ZNF474: variants seen among roughly 807,000 people sequenced by gnomAD.
The protein encoded by ZNF474 is 4933409D10Rik.
For missense variants in ZNF474, 511 were observed against 433.8 expected (o/e 1.18, Z -1.58); for synonymous variants, 192 against 162.2 (o/e 1.18, Z -1.39).
At chr5:122,137,952 C>A (rs1203920690) in intron 1 of ZNF474, among the ~76,000 whole-genome samples, 2 of 152,220 alleles carry the variant, frequency 1.3e-5, no homozygotes, top group African/African-American at 2.4e-5. Context: ...CACCCGTTCA[C>A]CTGCCTGGCA....
intron 1 of ZNF474, among the ~76,000 whole-genome samples, chr5:122,140,298 T>G (rs1755805206): frequency 6.6e-6 from 1 of 152,194 alleles, no homozygotes; most frequent in African/African-American, 2.4e-5. Context: ...AAACTGAGGA[T>G]TCTGACTTAG....
At position 122,153,110 on chromosome 5, in the gene ZNF474, G is replaced by A. The variant is rs1171046278; in HGVS notation, c.*25G>A. The stretch of plus-strand genomic sequence containing the variant: ...GGGGAACAAGAGAAAACTATCCCCA[G>A]AATCAGCCACCTCAGCCCCTAGTAT... On this transcript the variant is annotated 3_prime_UTR_variant, in exon 2 of 2. Coordinates refer to ENST00000296600, the MANE Select transcript of ZNF474 (RefSeq NM_207317.3). 6.3e-6 allele frequency: 10 copies of A among 1,582,322 alleles called. No homozygotes were observed. Among genetic ancestry groups the A allele is most frequent in the Non-Finnish European group, 8.6e-6 (10 of 1,164,018 alleles).
At chr5:122,142,684 T>C (rs1454556751) in intron 1 of ZNF474, among the ~76,000 whole-genome samples, 3 of 152,192 alleles carry the variant, frequency 2.0e-5, no homozygotes, top group Non-Finnish European at 4.4e-5. Flanking sequence ...GCTCTAACTA[T>C]GTGGCCCATG....
intron 1 of ZNF474, among the ~76,000 whole-genome samples, chr5:122,142,509 A>G (rs1215218285): frequency 6.6e-6 from 1 of 152,238 alleles, no homozygotes; most frequent in Non-Finnish European, 1.5e-5. Flanking sequence ...TAAATGAACC[A>G]TCACCACATT....
chr5:122,148,999 G>A (rs1361398254), intron 1 of ZNF474, among the ~76,000 whole-genome samples: 1 of 151,896 alleles, frequency 6.6e-6, no homozygotes, highest in African/African-American at 2.4e-5. Flanking sequence ...CAAAGTGCTG[G>A]GATTACAGGC....
At chr5:122,137,976 T>C in intron 1 of ZNF474, among the ~76,000 whole-genome samples, 1 of 152,126 alleles carries the variant, frequency 6.6e-6, no homozygotes, top group East Asian at 1.9e-4. Flanking sequence ...GATTTATGAG[T>C]GCAGGCAAAA....
chr5:122,152,506 CCGCA>C lies in ZNF474; in HGVS notation c.518_521del (p.Arg173HisfsTer145). 6.2e-7 allele frequency: 1 copy of C among 1,614,180 alleles called. No individual in the cohort carries two copies. On this transcript the variant is annotated frameshift_variant, in exon 2 of 2. Coordinates refer to ENST00000296600, the MANE Select transcript of ZNF474 (RefSeq NM_207317.3). LOFTEE classifies it low-confidence loss of function (END_TRUNC). ...AGCTGCTGCCCTGTGAATCCTGTGG[CCGCA>C]CATTCTTGCCAGATCATCTTCTTGT...
chr5:122,138,745 T>G (rs376643955), intron 1 of ZNF474, among the ~76,000 whole-genome samples: 1 of 152,044 alleles, frequency 6.6e-6, no homozygotes, highest in Non-Finnish European at 1.5e-5. Context: ...GGAAGAAATA[T>G]GGAGAGGAAT....
Position 122,152,690 on chromosome 5 carries a change from C to T in ZNF474, c.700C>T (p.Leu234=). Residue 234 remains leucine (L), a synonymous_variant, in exon 2 of 2, where the codon CTG becomes TTG. Coordinates refer to ENST00000296600, the MANE Select transcript of ZNF474 (RefSeq NM_207317.3). ...CYICGKEFGT[L]SLPIHEPKCL... is the part of the protein sequence containing the mutation. ...CATATGTGGTAAGGAATTTGGCACC[C>T]TGTCCCTTCCTATTCATGAGCCCAA... 1 of 1,614,200 alleles carries T rather than the reference C, an allele frequency of 6.2e-7. No homozygotes were observed. Among genetic ancestry groups the T allele is most frequent in the Non-Finnish European group, 8.5e-7 (1 of 1,180,038 alleles).
rs1755531266 is a variant in ZNF474 at position 122,129,581 on chromosome 5, G to A, written c.-315G>A. 1.3e-5 allele frequency: 2 copies of A among 152,216 alleles called. No individual in the cohort carries two copies. Among genetic ancestry groups the A allele is most frequent in the African/African-American group, 4.8e-5 (2 of 41,464 alleles). The allele number at this position is 152,216 out of a possible 1,614,324, so 9.4% of individuals were successfully genotyped here. A position where few individuals can be genotyped will look rare whatever the true frequency, so the allele number is the denominator to read the frequency against. On this transcript the variant is annotated 5_prime_UTR_variant, in exon 1 of 2. In the 5' UTR this introduces an upstream ATG that the reference lacks. Transcript: ENST00000296600. ...ACTCACACCAGCTCCTGCAAGGAAT[G>A]TGAATCTTGGAGCTCCCAGCTATTC...
chr5:122,140,554 T>A (rs140818105), intron 1 of ZNF474, among the ~76,000 whole-genome samples: 152 of 152,322 alleles, frequency 1.0e-3, no homozygotes, highest in Non-Finnish European at 1.6e-3. Flanking sequence ...AGTGGCAAGA[T>A]ATATTTTAAA....
At chr5:122,148,969 A>T (rs1025084700) in intron 1 of ZNF474, among the ~76,000 whole-genome samples, 5 of 152,112 alleles carry the variant, frequency 3.3e-5, no homozygotes, top group African/African-American at 1.2e-4. Context: ...ACCTCAGGTG[A>T]TCCGCCCACC....
Position 122,141,300 on chromosome 5 carries a change from A to ATTTTTTTTTTTTTTTTT in ZNF474, c.-212-10470_-212-10454dup, listed in dbSNP as rs368273210. The stretch of plus-strand genomic sequence containing the variant: ...CGAGTAGCTGGGATTACCCCTGGCT[A>ATTTTTTTTTTTTTTTTT]TTTTTTTTTTTTTTTTTTTTTTTTT... On this transcript the variant is annotated intron_variant, in intron 1 of 1. Coordinates refer to ENST00000296600, the MANE Select transcript of ZNF474 (RefSeq NM_207317.3). Among the ~76,000 whole-genome samples the ATTTTTTTTTTTTTTTTT allele has an allele frequency of 1.6e-4, 10 of 64,358 alleles. 1 individual carries two copies. In the South Asian group the frequency reaches 2.4e-3, roughly 15 times the overall value. 42.2% of individuals were successfully genotyped at this position (64,358 alleles called of 152,430 possible).
chr5:122,150,693 A>G (rs1350675256), intron 1 of ZNF474, among the ~76,000 whole-genome samples: 1 of 152,176 alleles, frequency 6.6e-6, no homozygotes, highest in Non-Finnish European at 1.5e-5. Flanking sequence ...CCCACGGTAA[A>G]ATTTACTCAT....
At chr5:122,149,117 G>A (rs903218699) in intron 1 of ZNF474, among the ~76,000 whole-genome samples, 3 of 152,048 alleles carry the variant, frequency 2.0e-5, no homozygotes, top group Non-Finnish European at 4.4e-5. Flanking sequence ...AAGTACACGT[G>A]GGCATAAAGA....
At chr5:122,140,356 A>G (rs1336541671) in intron 1 of ZNF474, among the ~76,000 whole-genome samples, 1 of 152,242 alleles carries the variant, frequency 6.6e-6, no homozygotes, top group African/African-American at 2.4e-5. Context: ...GTATTATTAT[A>G]GTATAATATC....
chr5:122,153,186 C>T lies in ZNF474; in HGVS notation c.*101C>T. On this transcript the variant is annotated 3_prime_UTR_variant, in exon 2 of 2. Coordinates refer to ENST00000296600, the MANE Select transcript of ZNF474 (RefSeq NM_207317.3). Reference sequence around the variant, plus strand: ...CCTCAAAGCAGCCTGTTCAAGTTAACTCCCTGTTGAACTCCAGGGCCTATA... The same window carrying T: ...CCTCAAAGCAGCCTGTTCAAGTTAATTCCCTGTTGAACTCCAGGGCCTATA... 6.8e-7 allele frequency: 1 copy of T among 1,465,796 alleles called. No homozygotes were observed. Among genetic ancestry groups the T allele is most frequent in the Middle Eastern group, 1.8e-4 (1 of 5,442 alleles). The allele number at this position is 1,465,796 out of a possible 1,614,324, so 90.8% of individuals were successfully genotyped here.
At chr5:122,130,880 C>T (rs1226835113) in intron 1 of ZNF474, among the ~76,000 whole-genome samples, 1 of 152,026 alleles carries the variant, frequency 6.6e-6, no homozygotes, top group Non-Finnish European at 1.5e-5. Context: ...TATCTTAACA[C>T]ATTTCAATTA....
rs55769824 is a variant in ZNF474 at position 122,152,865 on chromosome 5, G to T, written c.875G>T (p.Arg292Leu). Residue 292 changes from arginine (R) to leucine (L), a missense_variant, in exon 2 of 2, where the codon CGA becomes CTA. Arg to Leu is a moderately radical substitution (Grantham distance 102). Coordinates refer to ENST00000296600, the MANE Select transcript of ZNF474 (RefSeq NM_207317.3). ...CTTGTGTTCTGCCCACATTGTAGCCGAATCTTTACCTCAGACCGCCTCCTG... is the reference window on the plus strand; with the variant it reads ...CTTGTGTTCTGCCCACATTGTAGCCTAATCTTTACCTCAGACCGCCTCCTG... ...AQLVFCPHCS[R>L]IFTSDRLLVH... is the part of the protein sequence containing the mutation. 2.5e-6 allele frequency: 4 copies of T among 1,613,966 alleles called. No homozygotes were observed. The East Asian group carries it at 6.7e-5, about 27-fold the overall frequency.
Sources: gnomAD v4.1 joint callset for allele counts (sites outside exome capture counted in the v4.1 genomes callset) on GRCh38, gnomAD v4.1.1 for gene constraint, MANE v1.5 for transcripts, NCBI Gene and HGNC (gene_info 2026-07-23, HGNC 2026-07-21) for gene names.